Variants in DHRS2 observed in about 807,000 individuals in gnomAD.
The protein encoded by DHRS2 is dehydrogenase/reductase 2.
DHRS2 carries 29 observed loss-of-function variants against 26.3 expected under a neutral mutation model. The ratio of observed to expected loss-of-function variants is 1.10; its 90% CI spans 0.82 to 1.50. DHRS2 has a LOEUF of 1.50. Ranked by LOEUF, DHRS2 falls within the 40% of genes most tolerant of loss-of-function variation. The probability of loss-of-function intolerance (pLI) is 0.00; values close to 1 mark genes in which losing one functional copy is unlikely to be tolerated. For synonymous variants in DHRS2, 164 were observed against 151.3 expected (o/e 1.08, Z -0.62); for missense variants, 439 against 367.1 (o/e 1.20, Z -1.60).
chr14:23,635,808 C>T (rs544714194), upstream of DHRS2, among the ~76,000 whole-genome samples: 42 of 152,280 alleles, frequency 2.8e-4, no homozygotes, highest in Middle Eastern at 0.014. Flanking sequence ...GAGGGAGAGG[C>T]GCCGGCAGGA....
chr14:23,641,645 T>A, intron 4 of DHRS2: 1 of 1,289,838 alleles, frequency 7.8e-7, no homozygotes. Context: ...GCTAACCTAA[T>A]CCTCAATTCC....
rs1238083933 is a variant in DHRS2 at position 23,644,130 on chromosome 14, G to T, written c.508G>T (p.Val170Phe). Residue 170 changes from valine to phenylalanine, a missense_variant, in exon 6 of 9, where the codon GTC becomes TTC. Physicochemically the swap from Val to Phe is conservative, Grantham distance 50 (BLOSUM62 -1). Transcript: ENST00000250383. ...MENRRGAVIL[V>F]SSIAAYNPVV... Reference sequence around the variant, plus strand: ...TCTCAGGAGGGGTGCTGTCATCCTGGTCTCTTCCATTGCAGCTTATAATCC... The same window carrying T: ...TCTCAGGAGGGGTGCTGTCATCCTGTTCTCTTCCATTGCAGCTTATAATCC... 1.9e-6 allele frequency: 3 copies of T among 1,613,960 alleles called. No individual in the cohort carries two copies. Among genetic ancestry groups the T allele is most frequent in the African/African-American group, 2.7e-5 (2 of 74,870 alleles).
chr14:23,635,069 C>CT (rs796928235), upstream of DHRS2, among the ~76,000 whole-genome samples: 1,815 of 147,012 alleles, frequency 0.012, 17 homozygotes, highest in African/African-American at 0.029. Context: ...TCAGGTAGTT[C>CT]TTTTTTTTTT....
At chr14:23,641,554 C>T in intron 4 of DHRS2, 2 of 1,250,714 alleles carry the variant, frequency 1.6e-6, no homozygotes, top group South Asian at 1.3e-5. Flanking sequence ...CTCAGCCCCT[C>T]ACTCAGCCTG....
At position 23,644,842 on chromosome 14, in the gene DHRS2, T is replaced by A; in HGVS notation, c.691T>A (p.Ser231Thr). 1 of 1,614,150 alleles carries A rather than the reference T, an allele frequency of 6.2e-7. No homozygotes were observed. Among genetic ancestry groups the A allele is most frequent in the South Asian group, 1.1e-5 (1 of 91,084 alleles). The change falls in exon 8 of 9, where the codon TCT becomes ACT. Residue 231 changes from serine (S) to threonine (T), a missense_variant. Transcript: ENST00000250383. ...DFSKVFHGNESLWKNFKEHHQ... is the reference protein window; with the variant it reads ...DFSKVFHGNETLWKNFKEHHQ... ...CTTTGCCCAGTTTCATGGGAATGAG[T>A]CTCTCTGGAAGAACTTCAAGGAACA...
chr14:23,636,046 A>G (rs1310870677), upstream of DHRS2, among the ~76,000 whole-genome samples: 1 of 152,176 alleles, frequency 6.6e-6, no homozygotes, highest in Non-Finnish European at 1.5e-5. Context: ...AAATGCACCC[A>G]TCAGCACTCT....
upstream of DHRS2, among the ~76,000 whole-genome samples, chr14:23,635,103 C>T (rs1400567240): frequency 6.6e-5 from 10 of 151,934 alleles, no homozygotes; most frequent in Non-Finnish European, 4.4e-5. Context: ...TGCTCTCTCT[C>T]CCAGGCTGGA....
upstream of DHRS2, chr14:23,636,334 G>A (rs780930508): frequency 1.3e-5 from 2 of 152,126 alleles, no homozygotes; most frequent in Non-Finnish European, 2.9e-5. Context: ...CCAGTTAAGG[G>A]AATAAAAGCA....
chr14:23,638,811 T>G lies in DHRS2; in HGVS notation c.-38-16T>G. The G allele has an allele frequency of 6.3e-7, 1 of 1,585,854 alleles. No homozygotes were observed. The highest frequency in any genetic ancestry group is 8.6e-7 in the Non-Finnish European group (1 of 1,162,946). Reference sequence around the variant, plus strand: ...CTGAGGCATCAGTGATAAGTGAAATTGATTCTTTCCCCCAGGCCTGATTCA... The same window carrying G: ...CTGAGGCATCAGTGATAAGTGAAATGGATTCTTTCCCCCAGGCCTGATTCA... On this transcript the variant is annotated splice_polypyrimidine_tract_variant and intron_variant, in intron 1 of 8. Coordinates refer to ENST00000250383, the MANE Select transcript of DHRS2 (RefSeq NM_005794.4).
At chr14:23,637,161 C>G (rs1001836234) in intron 1 of DHRS2, among the ~76,000 whole-genome samples, 4 of 152,184 alleles carry the variant, frequency 2.6e-5, no homozygotes, top group African/African-American at 9.7e-5. Flanking sequence ...TCGCTGGGTC[C>G]TAATGCCTGC....
intron 5 of DHRS2, chr14:23,643,776 T>A: frequency 2.6e-6 from 1 of 385,898 alleles, no homozygotes; most frequent in Non-Finnish European, 4.9e-6. Flanking sequence ...CCTTAGAGGT[T>A]GCTCATTGAT....
At chr14:23,633,838 A>C (rs774872896), upstream of DHRS2, among the ~76,000 whole-genome samples, 2 of 152,186 alleles carry the variant, frequency 1.3e-5, no homozygotes, top group Non-Finnish European at 2.9e-5. Flanking sequence ...GAATTGGAGG[A>C]TTTAATTTTT....
chr14:23,633,224 C>A (rs1424187114), upstream of DHRS2, among the ~76,000 whole-genome samples: 8 of 152,208 alleles, frequency 5.3e-5, no homozygotes, highest in Admixed American at 5.2e-4. Flanking sequence ...GCACACCGTT[C>A]CCTTCTGAAG....
At chr14:23,637,624 GT>G (rs1890389231) in intron 1 of DHRS2, among the ~76,000 whole-genome samples, 1 of 152,038 alleles carries the variant, frequency 6.6e-6, no homozygotes, top group African/African-American at 2.4e-5. Context: ...ACTCTAACAG[GT>G]TTTCGAGAAT....
In DHRS2 at chr14:23,644,842, T is replaced by C. The variant is rs959518866; in HGVS notation, c.691T>C (p.Ser231Pro). 3.1e-6 allele frequency: 5 copies of C among 1,614,032 alleles called. No homozygotes were observed. The highest frequency in any genetic ancestry group is 4.2e-6 in the Non-Finnish European group (5 of 1,180,028). The change falls in exon 8 of 9, where the codon TCT (serine) becomes CCT (proline). Residue 231 changes from serine to proline, a missense_variant. Ser to Pro is a moderately conservative substitution (Grantham distance 74). Transcript: ENST00000250383. ...DFSKVFHGNE[S>P]LWKNFKEHHQ... ...CTTTGCCCAGTTTCATGGGAATGAG[T>C]CTCTCTGGAAGAACTTCAAGGAACA...
chr14:23,638,908 C>A lies in DHRS2; in HGVS notation c.44C>A (p.Pro15His), dbSNP rs771504271. 11 of 1,614,190 alleles carry A rather than the reference C, an allele frequency of 6.8e-6. No individual in the cohort carries two copies. Among genetic ancestry groups the A allele is most frequent in the Non-Finnish European group, 9.3e-6 (11 of 1,180,038 alleles). The change falls in exon 2 of 9, where the codon CCC becomes CAC. Residue 15 changes from proline (P) to histidine (H), a missense_variant. By Grantham distance (77) the Pro-to-His change is moderately conservative. Coordinates refer to ENST00000250383, the MANE Select transcript of DHRS2 (RefSeq NM_005794.4). The part of the protein sequence containing the change: ...VARGYQGWFH[P>H]CARLSVRMSS... ...CGGGGCTACCAGGGCTGGTTTCATC[C>A]CTGTGCTAGGCTTTCTGTGAGGATG...
upstream of DHRS2, among the ~76,000 whole-genome samples, chr14:23,633,306 C>T (rs552938041): frequency 1.6e-4 from 25 of 152,294 alleles, 2 homozygotes; most frequent in African/African-American, 4.6e-4. Flanking sequence ...CTCAGCTCCA[C>T]GGACATCCCT....
chr14:23,639,813 G>C lies in DHRS2; in HGVS notation c.338G>C (p.Gly113Ala). ...CCGCAGGCCCTGGAGCACTGTGGGG[G>C]CGTCGACTTCCTGGTGTGCAGCGCA... ...LVAKALEHCG[G>A]VDFLVCSAGV... Residue 113 changes from glycine to alanine, a missense_variant, in exon 4 of 9, where the codon GGC (glycine) becomes GCC (alanine). Gly to Ala is a moderately conservative substitution (Grantham distance 60). Transcript: ENST00000250383. 1 of 1,609,554 alleles carries C rather than the reference G, an allele frequency of 6.2e-7. No individual in the cohort carries two copies. Among genetic ancestry groups the C allele is most frequent in the South Asian group, 1.1e-5 (1 of 90,514 alleles).
chr14:23,643,179 G>T lies in DHRS2; in HGVS notation c.448G>T (p.Ala150Ser), dbSNP rs758094559. Residue 150 changes from alanine (A) to serine (S), a missense_variant, in exon 5 of 9, where the codon GCC (alanine) becomes TCC (serine). Physicochemically the swap from Ala to Ser is moderately conservative, Grantham distance 99 (BLOSUM62 1). Transcript: ENST00000250383. ...KILSVNVKSPALLLSQLLPYM... is the reference protein window; with the variant it reads ...KILSVNVKSPSLLLSQLLPYM... ...CCTAAGTGTGAACGTGAAGTCCCCA[G>T]CCCTGCTGCTGAGCCAGTTGCTGCC... 1 of 1,614,090 alleles carries T rather than the reference G, an allele frequency of 6.2e-7. No homozygotes were observed. The highest frequency in any genetic ancestry group is 1.7e-5 in the Admixed American group (1 of 60,032).
Sources: allele counts gnomAD v4.1 joint callset (sites outside exome capture counted in the v4.1 genomes callset), GRCh38; gene constraint gnomAD v4.1.1; transcripts MANE v1.5; gene names NCBI Gene and HGNC (gene_info 2026-07-23, HGNC 2026-07-21).